Variants in ROBO1 observed in about 807,000 individuals in gnomAD.
ROBO1 encodes the protein roundabout homolog 1.
Under a neutral mutation model 195.9 loss-of-function variants are expected in ROBO1, and 149 were observed. The ratio of observed to expected loss-of-function variants is 0.76; its 90% CI spans 0.67 to 0.87. ROBO1 has a LOEUF of 0.87. Among genes scored for constraint, ROBO1 ranks in the 40% least tolerant of loss-of-function variants. The pLI, the probability that ROBO1 is intolerant of heterozygous loss-of-function variation, is 0.00. For missense variants in ROBO1, 1,933 were observed against 2,068.3 expected (o/e 0.93, Z 1.27); for synonymous variants, 816 against 733.2 (o/e 1.11, Z -1.82).
At chr3:79,027,876 A>G (rs1012344337) in intron 3 of ROBO1, among the ~76,000 whole-genome samples, 2 of 152,068 alleles carry the variant, frequency 1.3e-5, no homozygotes, top group African/African-American at 2.4e-5. Context: ...TATGTATCAT[A>G]TGTGTATCTG....
chr3:78,797,715 G>A (rs1221282308), intron 4 of ROBO1, among the ~76,000 whole-genome samples: 1 of 152,036 alleles, frequency 6.6e-6, no homozygotes, highest in African/African-American at 2.4e-5. Context: ...TGAAATGCTT[G>A]ATTCTACACC....
At chr3:79,252,911 T>C (rs1278326597) in intron 2 of ROBO1, among the ~76,000 whole-genome samples, 3 of 152,106 alleles carry the variant, frequency 2.0e-5, no homozygotes, top group African/African-American at 7.2e-5. Flanking sequence ...ATGTCTTGCA[T>C]TAAATTATAC....
intron 2 of ROBO1, among the ~76,000 whole-genome samples, chr3:79,157,250 A>G (rs1408332393): frequency 6.6e-6 from 1 of 151,744 alleles, no homozygotes. Flanking sequence ...ATAATTTTTT[A>G]GTGTCTACCA....
intron 4 of ROBO1, among the ~76,000 whole-genome samples, chr3:78,884,566 A>AGAGAAAGAAAGAGAGAAAGG (rs2036389246): frequency 1.3e-5 from 2 of 151,364 alleles, no homozygotes; most frequent in South Asian, 2.1e-4. Context: ...AGAGAGAAAG[A>AGAGAAAGAAAGAGAGAAAGG]GAGAAAGAAA....
At chr3:79,557,809 T>G (rs1302537327) in intron 2 of ROBO1, among the ~76,000 whole-genome samples, 1 of 149,434 alleles carries the variant, frequency 6.7e-6, no homozygotes, top group African/African-American at 2.5e-5. Context: ...CCCATTACAC[T>G]TATAAATGTA....
At chr3:79,632,537 T>C (rs888664640) in intron 1 of ROBO1, among the ~76,000 whole-genome samples, 34 of 152,078 alleles carry the variant, frequency 2.2e-4, no homozygotes, top group African/African-American at 8.2e-4. Context: ...GTTTCACAAT[T>C]CAGGGGACAG....
At chr3:79,652,718 T>G (rs892731830) in intron 1 of ROBO1, among the ~76,000 whole-genome samples, 1 of 151,940 alleles carries the variant, frequency 6.6e-6, no homozygotes, top group Non-Finnish European at 1.5e-5. Context: ...TAGTAGTGTA[T>G]TGGAATGAGT....
In ROBO1 at chr3:79,157,905, T is replaced by C. The variant is rs895664292; in HGVS notation, c.89-32366A>G. Among the ~76,000 whole-genome samples the C allele has an allele frequency of 3.3e-5, 5 of 151,908 alleles. No homozygotes were observed. The South Asian group carries it at 8.3e-4, about 25-fold the overall frequency. ...TAACAATACATGTGGATTATGCTCCTTATCAGCCCACGCATTTTCTTTATT... is the reference window on the plus strand; with the variant it reads ...TAACAATACATGTGGATTATGCTCCCTATCAGCCCACGCATTTTCTTTATT... On this transcript the variant is annotated intron_variant, in intron 2 of 30. Transcript: ENST00000464233.
rs1370338204 is a variant in ROBO1, at chr3:78,651,845, A to G, written c.2699T>C (p.Ile900Thr). 6.2e-7 allele frequency: 1 copy of G among 1,613,736 alleles called. No individual in the cohort carries two copies. The highest frequency in any genetic ancestry group is 8.5e-7 in the Non-Finnish European group (1 of 1,179,786). ...CCAACAGGCTGCTCCAATACCTGCT[A>G]TGAAGGCCGGCTGCTTCACCACATC... ...ISDVVKQPAF[I>T]AGIGAACWII... Residue 900 changes from isoleucine (I) to threonine (T), a missense_variant, in exon 19 of 31, where the codon ATA becomes ACA. Transcript: ENST00000464233.
chr3:79,498,873 AG>A (rs1165794910), intron 2 of ROBO1, among the ~76,000 whole-genome samples: 1 of 152,146 alleles, frequency 6.6e-6, no homozygotes, highest in African/African-American at 2.4e-5. Flanking sequence ...GAAAAAAAAA[AG>A]ATTTGTGATT....
At chr3:79,429,393 C>T (rs755737094) in intron 2 of ROBO1, among the ~76,000 whole-genome samples, 22 of 152,010 alleles carry the variant, frequency 1.4e-4, no homozygotes, top group Admixed American at 5.9e-4. Context: ...GATCCAGGGT[C>T]CACAAGTCTT....
At chr3:78,673,451 A>G (rs4564924) in intron 10 of ROBO1, among the ~76,000 whole-genome samples, 4,162 of 144,788 alleles carry the variant, frequency 0.029, 84 homozygotes, top group African/African-American at 0.062. Flanking sequence ...TATTACAGCA[A>G]GGTTACACTA....
chr3:78,994,642 A>C (rs1035182984), intron 3 of ROBO1, among the ~76,000 whole-genome samples: 5 of 152,174 alleles, frequency 3.3e-5, no homozygotes, highest in Admixed American at 1.3e-4. Context: ...TTTCCTCTCT[A>C]AAACAAGTGA....
chr3:78,920,149 A>G (rs1348461143), intron 4 of ROBO1, among the ~76,000 whole-genome samples: 2 of 152,240 alleles, frequency 1.3e-5, no homozygotes, highest in Non-Finnish European at 2.9e-5. Flanking sequence ...AATAAAATAT[A>G]TCATGCCTTA....
intron 2 of ROBO1, among the ~76,000 whole-genome samples, chr3:79,396,728 T>G (rs2037169428): frequency 6.6e-6 from 1 of 152,080 alleles, no homozygotes; most frequent in African/African-American, 2.4e-5. Context: ...GAGTCAAAAG[T>G]TTCTTTAATC....
intron 1 of ROBO1, among the ~76,000 whole-genome samples, chr3:79,704,077 A>G (rs1300305095): frequency 2.0e-5 from 3 of 151,966 alleles, no homozygotes; most frequent in African/African-American, 7.2e-5. Context: ...TTTATAGAGC[A>G]GTTTTAGGTT....
chr3:78,619,434 T>A (rs3821595), intron 26 of ROBO1, among the ~76,000 whole-genome samples: 95,588 of 151,136 alleles, frequency 0.63, 30,337 homozygotes, highest in Middle Eastern at 0.75. Context: ...CCTTCATCAG[T>A]GGGATAAGTG....
chr3:79,433,058 G>A (rs2038743240), intron 2 of ROBO1, among the ~76,000 whole-genome samples: 1 of 152,194 alleles, frequency 6.6e-6, no homozygotes, highest in Non-Finnish European at 1.5e-5. Flanking sequence ...ATGTGCCGAT[G>A]TGTGGGTATG....
chr3:78,689,515 T>C (rs1430182358), intron 8 of ROBO1, among the ~76,000 whole-genome samples: 1 of 151,152 alleles, frequency 6.6e-6, no homozygotes, highest in African/African-American at 2.4e-5. Context: ...GCTGATGGAG[T>C]CACTTCTGGG....
Sources: gnomAD v4.1 joint callset for allele counts (sites outside exome capture counted in the v4.1 genomes callset) on GRCh38, gnomAD v4.1.1 for gene constraint, MANE v1.5 for transcripts, NCBI Gene and HGNC (gene_info 2026-07-23, HGNC 2026-07-21) for gene names.